Variants in ICE1 observed in about 807,000 individuals in gnomAD.
ICE1 encodes interactor of little elongation complex ELL subunit 1.
Under a neutral mutation model 192.7 loss-of-function variants are expected in ICE1, and 64 were observed. The ratio of observed to expected loss-of-function variants is 0.33; its 90% CI spans 0.27 to 0.41. ICE1 has a LOEUF of 0.41. ICE1 is among the 10% of genes least tolerant of loss of function. The probability of loss-of-function intolerance (pLI) is 1.00; values close to 1 mark genes in which losing one functional copy is unlikely to be tolerated. For synonymous variants in ICE1, 1,010 were observed against 984.5 expected (o/e 1.03, Z -0.49); for missense variants, 2,708 against 2,696.0 (o/e 1.00, Z -0.10).
intron 3 of ICE1, among the ~76,000 whole-genome samples, chr5:5,438,698 G>T (rs891394062): frequency 6.6e-6 from 1 of 152,138 alleles, no homozygotes; most frequent in African/African-American, 2.4e-5. Flanking sequence ...ATGTAACCTA[G>T]CAGAGAAATA....
chr5:5,464,370 C>T lies in ICE1; in HGVS notation c.5036C>T (p.Pro1679Leu), dbSNP rs551551200. Reference protein sequence around the residue: ...VSPFRETPVPPAMSPWPEDPR... With the variant: ...VSPFRETPVPLAMSPWPEDPR... The stretch of plus-strand genomic sequence containing the variant: ...CCCTTCCGTGAAACCCCAGTGCCTC[C>T]TGCCATGTCTCCATGGCCAGAGGAC... The change falls in exon 13 of 19, where the codon CCT becomes CTT. Residue 1679 changes from proline (P) to leucine (L), a missense_variant. Coordinates refer to ENST00000296564, the MANE Select transcript of ICE1 (RefSeq NM_015325.3). The surrounding 1 kb of genome is among the most constrained non-coding windows in gnomAD (Gnocchi z 4.0). 7.4e-6 allele frequency: 12 copies of T among 1,613,838 alleles called. No individual in the cohort carries two copies. Among genetic ancestry groups the T allele is most frequent in the Non-Finnish European group, 9.3e-6 (11 of 1,179,836 alleles).
chr5:5,458,532 A>G (rs1738652583), intron 12 of ICE1, among the ~76,000 whole-genome samples: 2 of 152,318 alleles, frequency 1.3e-5, no homozygotes, highest in South Asian at 4.1e-4. Flanking sequence ...CGGGGCAGGC[A>G]GGATTCTTCT....
chr5:5,467,043 GA>G (rs1219029716), intron 14 of ICE1, among the ~76,000 whole-genome samples: 1 of 152,080 alleles, frequency 6.6e-6, no homozygotes, highest in Admixed American at 6.5e-5. Flanking sequence ...ATATACAAAT[GA>G]AACCTAGTAT....
chr5:5,452,518 G>A (rs890502208), intron 10 of ICE1, among the ~76,000 whole-genome samples: 1 of 151,996 alleles, frequency 6.6e-6, no homozygotes, highest in Non-Finnish European at 1.5e-5. Flanking sequence ...CCTTAAAAGC[G>A]TTAAGGAAGA....
rs753357755 is a variant in ICE1 at position 5,457,649 on chromosome 5, T to C, written c.1009T>C (p.Phe337Leu). ...AGATCTTCAAGCTGCAATTGACTTC[T>C]TCAAACTTCCCCCTCCTCTTCTGTC... ...DEDLQAAIDF[F>L]KLPPPLLSPV... Residue 337 changes from phenylalanine (F) to leucine (L), a missense_variant, in exon 12 of 19, where the codon TTC (phenylalanine) becomes CTC (leucine). By Grantham distance (22) the Phe-to-Leu change is conservative (BLOSUM62 0). Around this residue, in one of 2 missense-constraint regions of ICE1, gnomAD observed 2,366 missense variants for 2,276.6 expected, o/e 1.04. Coordinates refer to ENST00000296564, the MANE Select transcript of ICE1 (RefSeq NM_015325.3). The C allele has an allele frequency of 6.2e-7, 1 of 1,613,978 alleles. No homozygotes were observed. Among genetic ancestry groups the C allele is most frequent in the Non-Finnish European group, 8.5e-7 (1 of 1,179,884 alleles).
chr5:5,438,867 C>G (rs1737955671), intron 3 of ICE1, among the ~76,000 whole-genome samples: 1 of 152,094 alleles, frequency 6.6e-6, no homozygotes, highest in South Asian at 2.1e-4. Flanking sequence ...AGATACATAC[C>G]TTTAAAAAAA....
At chr5:5,449,514 A>G (rs1738352325) in intron 10 of ICE1, among the ~76,000 whole-genome samples, 1 of 152,128 alleles carries the variant, frequency 6.6e-6, no homozygotes, top group Non-Finnish European at 1.5e-5. Context: ...AAAGATTACC[A>G]TCAGTAGAAG....
rs762022726 is a variant in ICE1, at chr5:5,461,511, C to T, written c.2177C>T (p.Thr726Ile). 3.7e-6 allele frequency: 6 copies of T among 1,613,432 alleles called. No individual in the cohort carries two copies. The highest frequency in any genetic ancestry group is 5.1e-6 in the Non-Finnish European group (6 of 1,179,650). ...NDQKSSGIEY[T>I]KVVKGLTKIH... ...CAGAAGAGCAGTGGGATAGAATATA[C>T]AAAAGTAGTAAAAGGCTTGACCAAA... Residue 726 changes from threonine (T) to isoleucine (I), a missense_variant, in exon 13 of 19, where the codon ACA (threonine) becomes ATA (isoleucine). Physicochemically the swap from Thr to Ile is moderately conservative, Grantham distance 89. Coordinates refer to ENST00000296564, the MANE Select transcript of ICE1 (RefSeq NM_015325.3).
Position 5,447,514 on chromosome 5 carries a change from T to C in ICE1, c.507+5T>C, listed in dbSNP as rs1488707191. ...AAGGAATTTAAGAAGACACAGGTACTAGATAAAAGCAGCATACACACACCT... is the reference window on the plus strand; with the variant it reads ...AAGGAATTTAAGAAGACACAGGTACCAGATAAAAGCAGCATACACACACCT... On this transcript the variant is annotated splice_donor_5th_base_variant and intron_variant, in intron 8 of 18. Transcript: ENST00000296564. 3 of 1,545,886 alleles carry C rather than the reference T, an allele frequency of 1.9e-6. No individual in the cohort carries two copies. The highest frequency in any genetic ancestry group is 2.6e-6 in the Non-Finnish European group (3 of 1,142,234).
In ICE1 at chr5:5,489,592, C is replaced by G. The variant is rs1739733086; in HGVS notation, c.*262C>G. 3.4e-6 allele frequency: 1 copy of G among 290,368 alleles called. No homozygotes were observed. The highest frequency in any genetic ancestry group is 2.2e-5 in the African/African-American group (1 of 46,166). The allele number at this position is 290,368 out of a possible 1,614,324, so 18.0% of individuals were successfully genotyped here. On this transcript the variant is annotated 3_prime_UTR_variant, in exon 19 of 19. Coordinates refer to ENST00000296564, the MANE Select transcript of ICE1 (RefSeq NM_015325.3). ...GTTATATTATTGTGTCTTTGTCAAA[C>G]AACAAAAACTTGAACTTAGCCCTTT...
intron 12 of ICE1, among the ~76,000 whole-genome samples, chr5:5,459,346 A>G (rs965310838): frequency 6.6e-6 from 1 of 152,080 alleles, no homozygotes; most frequent in Non-Finnish European, 1.5e-5. Flanking sequence ...CAAATATAAG[A>G]AGTGACCCTG....
Position 5,464,029 on chromosome 5 carries a change from C to T in ICE1, c.4695C>T (p.Asn1565=). 3 of 1,613,600 alleles carry T rather than the reference C, an allele frequency of 1.9e-6. No individual in the cohort carries two copies. Among genetic ancestry groups the T allele is most frequent in the South Asian group, 2.2e-5 (2 of 91,078 alleles). ...AGATTTCAAACAAAGATCAGTCAAA[C>T]AAACCAGTAAAAACTTCAGCGTCGA... is the stretch of plus-strand genomic sequence containing the variant. ...RSKISNKDQS[N]KPVKTSASSR... is the part of the protein sequence containing the mutation. Residue 1565 remains asparagine, a synonymous_variant, in exon 13 of 19, where the codon AAC becomes AAT. Coordinates refer to ENST00000296564, the MANE Select transcript of ICE1 (RefSeq NM_015325.3). The surrounding 1 kb of genome is among the most constrained non-coding windows in gnomAD (Gnocchi z 4.0).
chr5:5,462,405 C>G lies in ICE1; in HGVS notation c.3071C>G (p.Thr1024Arg), dbSNP rs367818455. ...GTTGAAGAAACCAGCTGTGGAGACACAGGGAGATCTGGTGGTGAGGCCCTG... is the reference window on the plus strand; with the variant it reads ...GTTGAAGAAACCAGCTGTGGAGACAGAGGGAGATCTGGTGGTGAGGCCCTG... ...FSVEETSCGD[T>R]GRSGGEALAV... The change falls in exon 13 of 19, where the codon ACA becomes AGA. Residue 1024 changes from threonine (T) to arginine (R), a missense_variant. Physicochemically the swap from Thr to Arg is moderately conservative, Grantham distance 71. Transcript: ENST00000296564. 40 of 1,613,886 alleles carry G rather than the reference C, an allele frequency of 2.5e-5. No individual in the cohort carries two copies. Among genetic ancestry groups the G allele is most frequent in the Admixed American group, 6.7e-5 (4 of 60,008 alleles).
chr5:5,448,227 G>A (rs77204069), intron 10 of ICE1, among the ~76,000 whole-genome samples: 7,790 of 152,034 alleles, frequency 0.051, 649 homozygotes, highest in East Asian at 0.35. Flanking sequence ...TAAATTTCCT[G>A]GGTACCAAGT....
At chr5:5,456,765 C>A (rs1738595437) in intron 11 of ICE1, among the ~76,000 whole-genome samples, 1 of 152,046 alleles carries the variant, frequency 6.6e-6, no homozygotes, top group Non-Finnish European at 1.5e-5. Flanking sequence ...GTTAATAGTA[C>A]CACTGAAGTT....
rs1362656163 is a variant in ICE1, at chr5:5,465,243, T to C, written c.5892+17T>C. ...ACAAAAAAGGTATGTGGCTGCTCTT[T>C]TCTAAGTGCATTAGGGATTACATGT... is the stretch of plus-strand genomic sequence containing the variant. On this transcript the variant is annotated intron_variant, in intron 13 of 18. Coordinates refer to ENST00000296564, the MANE Select transcript of ICE1 (RefSeq NM_015325.3). 6 of 1,504,990 alleles carry C rather than the reference T, an allele frequency of 4.0e-6. No homozygotes were observed. The highest frequency in any genetic ancestry group is 5.4e-6 in the Non-Finnish European group (6 of 1,111,254). 93.2% of individuals were successfully genotyped at this position (1,504,990 alleles called of 1,614,324 possible). A position where few individuals can be genotyped will look rare whatever the true frequency, so the allele number is the denominator to read the frequency against.
At chr5:5,478,787 CTA>C (rs1411745606) in intron 17 of ICE1, among the ~76,000 whole-genome samples, 1 of 152,080 alleles carries the variant, frequency 6.6e-6, no homozygotes, top group Non-Finnish European at 1.5e-5. Context: ...TCAGAAATAA[CTA>C]CACATCTACA....
chr5:5,475,236 C>T (rs537851017), intron 16 of ICE1, among the ~76,000 whole-genome samples: 3 of 152,188 alleles, frequency 2.0e-5, no homozygotes, highest in African/African-American at 7.2e-5. Context: ...GAGCAACTGC[C>T]GACCCTGCTC....
chr5:5,489,154 C>T lies in ICE1; in HGVS notation c.6625C>T (p.Pro2209Ser). The change falls in exon 19 of 19, where the codon CCA becomes TCA. Residue 2209 changes from proline (P) to serine (S), a missense_variant. Around this residue, in one of 2 missense-constraint regions of ICE1, gnomAD observed 342 missense variants for 419.3 expected, o/e 0.82. Coordinates refer to ENST00000296564, the MANE Select transcript of ICE1 (RefSeq NM_015325.3). ...GATCTGAAATTTCTTTTCAGATATACCATGGGGTATACAGTTAGCAGCCGT... is the reference window on the plus strand; with the variant it reads ...GATCTGAAATTTCTTTTCAGATATATCATGGGGTATACAGTTAGCAGCCGT... Reference protein sequence around the residue: ...FIQHAHDEDIPWGIQLAAVYA... With the variant: ...FIQHAHDEDISWGIQLAAVYA... 1 of 1,613,028 alleles carries T rather than the reference C, an allele frequency of 6.2e-7. No homozygotes were observed. Among genetic ancestry groups the T allele is most frequent in the Non-Finnish European group, 8.5e-7 (1 of 1,179,552 alleles).
Sources: gnomAD v4.1 joint callset for allele counts (sites outside exome capture counted in the v4.1 genomes callset) on GRCh38, gnomAD v4.1.1 for gene constraint, gnomAD v4.1.1 regional missense constraint, Gnocchi (gnomAD v3.1) non-coding constraint, MANE v1.5 for transcripts, NCBI Gene and HGNC (gene_info 2026-07-23, HGNC 2026-07-21) for gene names.